MCPH1: variants seen among roughly 807,000 people sequenced by gnomAD.
MCPH1 encodes microcephalin.
MCPH1 carries 104 observed loss-of-function variants against 84.5 expected under a neutral mutation model. The observed-to-expected ratio is 1.23, with a 90% CI of 1.05 to 1.45. The LOEUF is 1.45. Ranked by LOEUF, MCPH1 falls within the 40% of genes most tolerant of loss-of-function variation. The pLI is 0.00. For synonymous variants in MCPH1, 514 were observed against 366.8 expected (o/e 1.40, Z -4.58); for missense variants, 1,498 against 1,005.7 (o/e 1.49, Z -6.62).
intron 12 of MCPH1, among the ~76,000 whole-genome samples, chr8:6,609,537 G>T (rs1490529203): frequency 6.6e-6 from 1 of 152,128 alleles, no homozygotes; most frequent in Non-Finnish European, 1.5e-5. Context: ...TGTCTGAATC[G>T]CCTTCAGCGA....
intron 12 of MCPH1, among the ~76,000 whole-genome samples, chr8:6,526,443 AAC>A (rs1818358004): frequency 6.6e-6 from 1 of 152,066 alleles, no homozygotes; most frequent in Non-Finnish European, 1.5e-5. Flanking sequence ...TCAAAAAAAA[AAC>A]ACAGAAAAGA....
chr8:6,601,022 C>T (rs1411472753), intron 12 of MCPH1, among the ~76,000 whole-genome samples: 2 of 152,156 alleles, frequency 1.3e-5, no homozygotes, highest in African/African-American at 4.8e-5. Flanking sequence ...GACTGGAGCC[C>T]CCAGGAAGGA....
At chr8:6,493,757 G>A (rs558290519) in intron 11 of MCPH1, among the ~76,000 whole-genome samples, 4 of 152,210 alleles carry the variant, frequency 2.6e-5, no homozygotes, top group Admixed American at 6.5e-5. Context: ...TGTCGTATTC[G>A]GGGGTGGAGA....
At chr8:6,555,465 CT>C (rs530250678) in intron 12 of MCPH1, among the ~76,000 whole-genome samples, 334 of 142,272 alleles carry the variant, frequency 2.3e-3, no homozygotes, top group Middle Eastern at 3.7e-3. Context: ...GTGGTTTGCC[CT>C]TTTTTTTTTT....
chr8:6,523,643 G>C (rs1198538449), intron 12 of MCPH1, among the ~76,000 whole-genome samples: 1 of 152,120 alleles, frequency 6.6e-6, no homozygotes, highest in Non-Finnish European at 1.5e-5. Flanking sequence ...GGGCTGTTGT[G>C]CAGTGGCGCG....
Position 6,626,731 on chromosome 8 carries a change from G to A in MCPH1, c.2452+5040G>A, listed in dbSNP as rs940017480. On this transcript the variant is annotated intron_variant, in intron 13 of 13. Transcript: ENST00000344683. The stretch of plus-strand genomic sequence containing the variant: ...CTGGGGTCTGAAGGAACTTGGCTGG[G>A]GTGAGGATCACAAGCCCTTGGGTGG... 1.2e-5 allele frequency: 12 copies of A among 985,156 alleles called. No homozygotes were observed. In the African/African-American group the frequency reaches 1.9e-4, roughly 16 times the overall value. The allele number at this position is 985,156 out of a possible 1,614,324, so 61.0% of individuals were successfully genotyped here.
intron 12 of MCPH1, among the ~76,000 whole-genome samples, chr8:6,592,448 A>T (rs1256181949): frequency 6.6e-6 from 1 of 151,446 alleles, no homozygotes; most frequent in African/African-American, 2.4e-5. Context: ...TGTGTTTTTC[A>T]TAAATTAAAT....
intron 13 of MCPH1, chr8:6,626,330 G>T (rs1832070477): frequency 2.0e-6 from 2 of 985,264 alleles, no homozygotes; most frequent in South Asian, 9.4e-5. Context: ...CTAATAACGG[G>T]GTTATCGGAA....
At chr8:6,432,936 C>T (rs942103006) in intron 4 of MCPH1, among the ~76,000 whole-genome samples, 1 of 152,214 alleles carries the variant, frequency 6.6e-6, no homozygotes, top group Non-Finnish European at 1.5e-5. Context: ...TGATTGCCCT[C>T]CCTCAATGTA....
At chr8:6,509,150 T>C in intron 12 of MCPH1, 1 of 1,517,522 alleles carries the variant, frequency 6.6e-7, no homozygotes. Flanking sequence ...AATTCCATTC[T>C]ACAGAAGCGT....
At chr8:6,561,856 G>C (rs143230596) in intron 12 of MCPH1, among the ~76,000 whole-genome samples, 18 of 152,292 alleles carry the variant, frequency 1.2e-4, no homozygotes, top group African/African-American at 3.6e-4. Flanking sequence ...AAAACTCTAG[G>C]AAACAGTGGG....
chr8:6,642,951 C>G (rs1798030316), intron 13 of MCPH1, 43 bp from the exon 14 acceptor site: 2 of 1,570,508 alleles, frequency 1.3e-6, no homozygotes, highest in Non-Finnish European at 1.8e-6. Context: ...TCCTATGTGG[C>G]TGGCTATTAT....
intron 12 of MCPH1, among the ~76,000 whole-genome samples, chr8:6,605,463 C>A (rs904647897): frequency 1.3e-5 from 2 of 152,118 alleles, no homozygotes; most frequent in Non-Finnish European, 2.9e-5. Context: ...CCAAAGACTC[C>A]GCAGCAAATA....
chr8:6,545,258 C>T (rs184030263), intron 12 of MCPH1, among the ~76,000 whole-genome samples: 226 of 152,250 alleles, frequency 1.5e-3, no homozygotes, highest in Admixed American at 3.3e-3. Context: ...ATCTTGACCT[C>T]GGTGCTGGTT....
intron 12 of MCPH1, among the ~76,000 whole-genome samples, chr8:6,572,266 C>G (rs946637262): frequency 6.6e-6 from 1 of 152,024 alleles, no homozygotes; most frequent in Non-Finnish European, 1.5e-5. Context: ...AATATGCGCT[C>G]TCCTCCCAAA....
At chr8:6,485,902 G>A (rs973886167) in intron 11 of MCPH1, among the ~76,000 whole-genome samples, 1 of 152,168 alleles carries the variant, frequency 6.6e-6, no homozygotes, top group Admixed American at 6.5e-5. Flanking sequence ...CAGGAGTATT[G>A]ATGTTCACAG....
At chr8:6,601,554 C>G (rs1355816882) in intron 12 of MCPH1, among the ~76,000 whole-genome samples, 1 of 126,908 alleles carries the variant, frequency 7.9e-6, no homozygotes, top group Non-Finnish European at 1.7e-5. Flanking sequence ...CACCCCTACG[C>G]ACACCCACAC....
At chr8:6,493,395 C>T (rs1179252843) in intron 11 of MCPH1, among the ~76,000 whole-genome samples, 1 of 152,226 alleles carries the variant, frequency 6.6e-6, no homozygotes, top group Non-Finnish European at 1.5e-5. Context: ...CCTAGGTCAA[C>T]ATGCAGCTTG....
At chr8:6,473,761 G>T in intron 9 of MCPH1, 3 of 746,698 alleles carry the variant, frequency 4.0e-6, no homozygotes, top group Non-Finnish European at 6.0e-6. Flanking sequence ...TTAATAAAGC[G>T]TTCCTGATAC....
Sources: gnomAD v4.1 joint callset for allele counts (sites outside exome capture counted in the v4.1 genomes callset) on GRCh38, gnomAD v4.1.1 for gene constraint, MANE v1.5 for transcripts, NCBI Gene and HGNC (gene_info 2026-07-23, HGNC 2026-07-21) for gene names.